The following POLR2B variants were observed in gnomAD, a reference collection of about 807,000 sequenced individuals.
POLR2B encodes the protein DNA-directed RNA polymerase II subunit RPB2.
POLR2B carries 57 observed loss-of-function variants against 144.6 expected under a neutral mutation model. The observed-to-expected ratio is 0.39, with a 90% confidence interval of 0.32 to 0.49. POLR2B has a LOEUF of 0.49. Among genes scored for constraint, POLR2B ranks in the 20% least tolerant of loss-of-function variants. The pLI is 0.83. For missense variants in POLR2B, 595 were observed against 1,467.4 expected, an observed-to-expected ratio of 0.41 and a Z score of 9.71; for synonymous variants, 442 against 469.8, an observed-to-expected ratio of 0.94 and a Z score of 0.77.
At chr4:56,979,141 C>A in intron 1 of POLR2B, 137 bp downstream of exon 1, 2 of 922,602 alleles carry the variant, frequency 2.2e-6, no homozygotes, top group Non-Finnish European at 3.6e-6. Context: ...ACTTACCAGG[C>A]CGGGAACGAA....
rs756384966 is a variant in POLR2B at position 57,017,148 on chromosome 4, A to T, written c.2061A>T (p.Val687=). The part of the protein sequence containing the change: ...MTPDDLQEKE[V]AYCSTYTHCE... Reference sequence around the variant, plus strand: ...CAGATGATTTACAGGAGAAAGAAGTAGCTTATTGTTCCACATATACACACT... The same window carrying T: ...CAGATGATTTACAGGAGAAAGAAGTTGCTTATTGTTCCACATATACACACT... Residue 687 remains valine (V), a synonymous_variant, in exon 15 of 25, where the codon GTA becomes GTT. Coordinates refer to ENST00000314595, the MANE Select transcript of POLR2B (RefSeq NM_000938.3). This position sits in a 1 kb window ranked among gnomAD's most constrained non-coding sequence, Gnocchi z 4.8. 3.4e-5 allele frequency: 55 copies of T among 1,612,448 alleles called. No individual in the cohort carries two copies. Among genetic ancestry groups the T allele is most frequent in the Non-Finnish European group, 4.4e-5 (52 of 1,178,956 alleles).
chr4:57,010,532 CA>C, intron 11 of POLR2B, 28 bp downstream of exon 11: 1 of 1,592,768 alleles, frequency 6.3e-7, no homozygotes, highest in Non-Finnish European at 8.5e-7. Flanking sequence ...ACATTCAGGA[CA>C]AAAAGTCAGT....
intron 18 of POLR2B, among the ~76,000 whole-genome samples, 166 bp downstream of exon 18, chr4:57,022,412 G>A (rs558539735): frequency 2.0e-5 from 3 of 152,134 alleles, no homozygotes; most frequent in Admixed American, 2.0e-4. Context: ...TCACATCTAA[G>A]AAAACATGTG....
In POLR2B at chr4:56,988,385, C is replaced by T. The variant is rs147886297; in HGVS notation, c.92+1959C>T. Among the ~76,000 whole-genome samples, 608 of 151,884 alleles carry T rather than the reference C, an allele frequency of 4.0e-3. 7 individuals are homozygous for T. Among genetic ancestry groups the T allele is most frequent in the African/African-American group, 0.014 (580 of 41,432 alleles). On this transcript the variant is annotated intron_variant, in intron 2 of 24. Coordinates refer to ENST00000314595, the MANE Select transcript of POLR2B (RefSeq NM_000938.3). ...TAAGAAATTTGACAAAAAGTCTTGG[C>T]GAGGTGGCTCGCACCTGCCCGTAAT...
chr4:56,999,271 G>A (rs1378608268), intron 6 of POLR2B, among the ~76,000 whole-genome samples: 1 of 149,386 alleles, frequency 6.7e-6, no homozygotes, highest in African/African-American at 2.5e-5. Context: ...TAATTTTTTG[G>A]AGGGGGGATA....
chr4:57,015,402 G>A, intron 13 of POLR2B, 100 bp from the exon 14 acceptor site: 1 of 553,490 alleles, frequency 1.8e-6, no homozygotes, highest in Non-Finnish European at 2.9e-6. Context: ...TAAATTGGTT[G>A]CTCCAGAAAT....
intron 1 of POLR2B, among the ~76,000 whole-genome samples, chr4:56,983,520 C>T (rs992523717): frequency 3.3e-5 from 5 of 151,674 alleles, no homozygotes; most frequent in East Asian, 2.0e-4. Flanking sequence ...TTCAGGGATG[C>T]GCCACCATGC....
chr4:56,990,561 A>G lies in POLR2B; in HGVS notation c.93-187A>G, dbSNP rs369852349. 5.1e-4 allele frequency among the ~76,000 whole-genome samples: 78 copies of G among 152,336 alleles called. 1 individual carries two copies. The South Asian group carries it at 0.014, about 27-fold the overall frequency. On this transcript the variant is annotated intron_variant, in intron 2 of 24. Transcript: ENST00000314595. ...CTTTTCCCCAAATAATAAGTTCTACAAAGAAAATATGCCCGGTTTCATCCT... is the reference window on the plus strand; with the variant it reads ...CTTTTCCCCAAATAATAAGTTCTACGAAGAAAATATGCCCGGTTTCATCCT...
chr4:56,998,916 G>A (rs1460363203), intron 6 of POLR2B, among the ~76,000 whole-genome samples: 2 of 152,124 alleles, frequency 1.3e-5, no homozygotes, highest in Non-Finnish European at 2.9e-5. Flanking sequence ...TTATTAGAGG[G>A]ATTATAGTAA....
At chr4:56,987,016 C>T (rs1304862497) in intron 2 of POLR2B, among the ~76,000 whole-genome samples, 1 of 152,118 alleles carries the variant, frequency 6.6e-6, no homozygotes, top group African/African-American at 2.4e-5. Context: ...TGGAACAGTT[C>T]CTCAGTGTGT....
intron 6 of POLR2B, 127 bp from the exon 7 acceptor site, chr4:56,999,490 T>C (rs1282516261): frequency 1.9e-6 from 1 of 539,124 alleles, no homozygotes; most frequent in Admixed American, 3.7e-5. Context: ...TTCCTCACAG[T>C]ATTGGGAGGC....
intron 2 of POLR2B, 56 bp downstream of exon 2, chr4:56,986,482 T>C: frequency 1.0e-6 from 1 of 989,618 alleles, no homozygotes; most frequent in Non-Finnish European, 1.6e-6. Context: ...TTCCTGCTTA[T>C]TCTTCTTGAT....
intron 1 of POLR2B, among the ~76,000 whole-genome samples, chr4:56,983,561 G>A (rs1277343678): frequency 6.6e-6 from 1 of 151,812 alleles, no homozygotes; most frequent in Non-Finnish European, 1.5e-5. Flanking sequence ...TAGTAGAGAC[G>A]GGGTTTCACC....
intron 16 of POLR2B, among the ~76,000 whole-genome samples, chr4:57,019,496 C>T (rs1035376872): frequency 5.3e-5 from 8 of 152,022 alleles, no homozygotes; most frequent in African/African-American, 1.5e-4. Context: ...TAAGCCACTA[C>T]GGCCAGCCCA....
chr4:56,980,888 T>C lies in POLR2B; in HGVS notation c.19+1884T>C, dbSNP rs1242027679. 2.6e-5 allele frequency among the ~76,000 whole-genome samples: 4 copies of C among 151,030 alleles called. No individual in the cohort carries two copies. The East Asian group carries it at 7.9e-4, about 30-fold the overall frequency. ...GGCGCAATCTCGGCTCACTGTAACC[T>C]CCATCTCCCAGGTTCAAGCAGTTCT... On this transcript the variant is annotated intron_variant, in intron 1 of 24. Transcript: ENST00000314595.
intron 17 of POLR2B, 34 bp downstream of exon 17, chr4:57,021,029 A>C (rs55911542): frequency 9.3e-7 from 1 of 1,076,940 alleles, no homozygotes; most frequent in East Asian, 2.4e-5. Flanking sequence ...AAACACAGAT[A>C]CAGTGGAAAC....
chr4:57,022,409 T>C (rs1723582781), intron 18 of POLR2B, among the ~76,000 whole-genome samples, 163 bp downstream of exon 18: 1 of 152,074 alleles, frequency 6.6e-6, no homozygotes, highest in Non-Finnish European at 1.5e-5. Context: ...AGTTCACATC[T>C]AAGAAAACAT....
Position 57,023,362 on chromosome 4 carries a change from G to C in POLR2B, c.2548G>C (p.Asp850His), listed in dbSNP as rs769733869. The C allele has an allele frequency of 3.1e-6, 5 of 1,613,850 alleles. No individual in the cohort carries two copies. The highest frequency in any genetic ancestry group is 4.2e-6 in the Non-Finnish European group (5 of 1,179,900). ...MRHAIYDKLD[D>H]DGLIAPGVRV... ...GCATGCCATTTACGACAAGCTGGAT[G>C]ATGATGGTTTGATAGCTCCAGGGGT... The change falls in exon 19 of 25, where the codon GAT becomes CAT. Residue 850 changes from aspartate (D) to histidine (H), a missense_variant. Physicochemically the swap from Asp to His is moderately conservative, Grantham distance 81. Around this residue, in one of 9 missense-constraint regions of POLR2B, gnomAD observed 75 missense variants for 100.0 expected, o/e 0.75. Transcript: ENST00000314595. The surrounding 1 kb of genome is among the most constrained non-coding windows in gnomAD (Gnocchi z 4.3).
rs556273814 is a variant in POLR2B, at chr4:57,001,719, A to G, written c.900+1938A>G. On this transcript the variant is annotated intron_variant, in intron 7 of 24. Transcript: ENST00000314595. Reference sequence around the variant, plus strand: ...ACAGTGGTGTCTGTTAGGTACCTCCACTGTAAGGTTACTATTTTTGTGGGA... The same window carrying G: ...ACAGTGGTGTCTGTTAGGTACCTCCGCTGTAAGGTTACTATTTTTGTGGGA... 2.2e-3 allele frequency among the ~76,000 whole-genome samples: 335 copies of G among 152,266 alleles called. 1 individual carries two copies. Among genetic ancestry groups the G allele is most frequent in the Non-Finnish European group, 3.7e-3 (250 of 68,022 alleles).
Sources: allele counts gnomAD v4.1 joint callset (sites outside exome capture counted in the v4.1 genomes callset), GRCh38; gene constraint gnomAD v4.1.1; regional missense constraint gnomAD v4.1.1; non-coding constraint Gnocchi (gnomAD v3.1); transcripts MANE v1.5; gene names NCBI Gene and HGNC (gene_info 2026-07-23, HGNC 2026-07-21).